PLCE1: variants seen among roughly 807,000 people sequenced by gnomAD.
PLCE1 encodes 1-phosphatidylinositol 4,5-bisphosphate phosphodiesterase epsilon-1.
Under a neutral mutation model 242.8 loss-of-function variants are expected in PLCE1, and 119 were observed. The observed-to-expected ratio is 0.49, with a 90% confidence interval of 0.42 to 0.57. The LOEUF (loss-of-function observed/expected upper bound fraction) is 0.57, where lower values mean the gene tolerates loss of function less well. PLCE1 is among the 20% of genes least tolerant of loss of function. PLCE1 has a pLI of 0.00. For missense variants in PLCE1, 2,441 were observed against 2,788.8 expected (o/e 0.88, Z 2.81); for synonymous variants, 945 against 1,017.4 (o/e 0.93, Z 1.35).
chr10:94,223,233 CAAAAA>C (rs60764243), intron 4 of PLCE1, among the ~76,000 whole-genome samples: 2 of 90,872 alleles, frequency 2.2e-5, no homozygotes, highest in South Asian at 4.3e-4. Flanking sequence ...TCCATCTCTA[CAAAAA>C]AAAAAAAAAA....
chr10:94,256,336 A>G (rs569550419), intron 11 of PLCE1, among the ~76,000 whole-genome samples: 2 of 134,698 alleles, frequency 1.5e-5, no homozygotes, highest in South Asian at 4.9e-4. Flanking sequence ...AAAAAAAAAA[A>G]AAAAAGAAAG....
chr10:94,010,342 T>C (rs2061145719), intron 1 of PLCE1, among the ~76,000 whole-genome samples: 1 of 152,190 alleles, frequency 6.6e-6, no homozygotes, highest in African/African-American at 2.4e-5. Flanking sequence ...CTCCTTAGCC[T>C]CTGAGCCTGC....
At position 94,135,740 on chromosome 10, in the gene PLCE1, T is replaced by C. The variant is rs143138600; in HGVS notation, c.1492+3281T>C. Among the ~76,000 whole-genome samples, 150 of 152,274 alleles carry C rather than the reference T, an allele frequency of 9.9e-4. No individual in the cohort carries two copies. In the East Asian group the frequency reaches 0.024, roughly 25 times the overall value. ...AGCATTAGCCTCAAAGAAAAAGCAATAGAAGTGAGTTAGAAGACATTTCTT... is the reference window on the plus strand; with the variant it reads ...AGCATTAGCCTCAAAGAAAAAGCAACAGAAGTGAGTTAGAAGACATTTCTT... On this transcript the variant is annotated intron_variant, in intron 3 of 32. Transcript: ENST00000371380.
chr10:94,141,696 G>A (rs1443640378), intron 3 of PLCE1, among the ~76,000 whole-genome samples: 3 of 126,352 alleles, frequency 2.4e-5, no homozygotes, highest in Admixed American at 8.7e-5. Flanking sequence ...AAGGGAGGGA[G>A]AGAAGGAAGG....
rs559549881 is a variant in PLCE1, at chr10:94,192,369, A to G, written c.1809+20873A>G. Among the ~76,000 whole-genome samples the G allele has an allele frequency of 2.0e-5, 3 of 152,138 alleles. No homozygotes were observed. In the South Asian group the frequency reaches 6.2e-4, roughly 32 times the overall value. On this transcript the variant is annotated intron_variant, in intron 4 of 32. Coordinates refer to ENST00000371380, the MANE Select transcript of PLCE1 (RefSeq NM_016341.4). ...TCTCTTCCCCCTCTAGTAGTTTCCAATGTCTACTGTTGCCATCTTTATGTC... is the reference window on the plus strand; with the variant it reads ...TCTCTTCCCCCTCTAGTAGTTTCCAGTGTCTACTGTTGCCATCTTTATGTC...
At chr10:94,072,324 C>T (rs914148729) in intron 2 of PLCE1, among the ~76,000 whole-genome samples, 6 of 151,804 alleles carry the variant, frequency 4.0e-5, no homozygotes, top group East Asian at 1.9e-4. Flanking sequence ...TCACCCAGGC[C>T]GGAGTGCAGT....
At chr10:94,258,578 A>G (rs1276493880) in intron 11 of PLCE1, among the ~76,000 whole-genome samples, 2 of 152,360 alleles carry the variant, frequency 1.3e-5, no homozygotes, top group Non-Finnish European at 2.9e-5. Flanking sequence ...CCCTTATTAA[A>G]TAGACTAGAA....
intron 4 of PLCE1, among the ~76,000 whole-genome samples, chr10:94,201,499 G>A (rs144058085): frequency 9.5e-4 from 144 of 152,180 alleles, no homozygotes; most frequent in African/African-American, 3.3e-3. Flanking sequence ...TTTTTTGAGC[G>A]GAGTCTTGCT....
intron 3 of PLCE1, among the ~76,000 whole-genome samples, chr10:94,150,492 A>T (rs1345106472): frequency 6.6e-6 from 1 of 152,150 alleles, no homozygotes; most frequent in Non-Finnish European, 1.5e-5. Flanking sequence ...ATCCACTTCC[A>T]CTCAGAGGCA....
chr10:94,119,511 C>G (rs574469374), intron 2 of PLCE1, among the ~76,000 whole-genome samples: 1 of 152,278 alleles, frequency 6.6e-6, no homozygotes, highest in East Asian at 1.9e-4. Flanking sequence ...TTAGCTTCAC[C>G]CATAGGAAAA....
In PLCE1 at chr10:94,258,828, C is replaced by A; in HGVS notation, c.3583C>A (p.Arg1195=). ...TTGGAGCAGTAGTAGCTGGCACGGG[C>A]GGATCAAAGGCGGCATGAAGGGATT... ...SAWSSSSWHG[R]IKGGMKGFQS... Residue 1195 remains arginine, a synonymous_variant, in exon 12 of 33, where the codon CGG becomes AGG. Coordinates refer to ENST00000371380, the MANE Select transcript of PLCE1 (RefSeq NM_016341.4). 4 of 1,613,974 alleles carry A rather than the reference C, an allele frequency of 2.5e-6. No homozygotes were observed. The highest frequency in any genetic ancestry group is 3.4e-6 in the Non-Finnish European group (4 of 1,179,948).
chr10:94,313,210 A>T (rs771410849), intron 27 of PLCE1, 44 bp from the exon 28 acceptor site: 1 of 1,611,012 alleles, frequency 6.2e-7, no homozygotes, highest in South Asian at 1.1e-5. Flanking sequence ...GCTTAGAAAT[A>T]TGTGATTACG....
intron 4 of PLCE1, among the ~76,000 whole-genome samples, chr10:94,214,010 G>T (rs1477168026): frequency 6.6e-6 from 1 of 152,102 alleles, no homozygotes; most frequent in East Asian, 1.9e-4. Flanking sequence ...AGAGTCTCAG[G>T]GTAGGTAGGA....
chr10:94,061,687 A>C (rs1272952731), intron 2 of PLCE1, among the ~76,000 whole-genome samples: 1 of 151,934 alleles, frequency 6.6e-6, no homozygotes, highest in Non-Finnish European at 1.5e-5. Flanking sequence ...TGTCTTTACT[A>C]AAAAAGGAAT....
At chr10:94,048,884 T>G (rs2043682335) in intron 2 of PLCE1, among the ~76,000 whole-genome samples, 1 of 151,442 alleles carries the variant, frequency 6.6e-6, no homozygotes, top group South Asian at 2.1e-4. Flanking sequence ...CCTCCCTACT[T>G]CAGCCTCCCG....
At chr10:94,103,386 G>C (rs2045611161) in intron 2 of PLCE1, among the ~76,000 whole-genome samples, 1 of 152,218 alleles carries the variant, frequency 6.6e-6, no homozygotes, top group African/African-American at 2.4e-5. Flanking sequence ...GGGAGTGGCA[G>C]CAGCCCTCTG....
chr10:94,228,731 C>A (rs568518715), intron 5 of PLCE1, among the ~76,000 whole-genome samples: 142 of 151,672 alleles, frequency 9.4e-4, no homozygotes, highest in Non-Finnish European at 1.4e-3. Flanking sequence ...TAGAATAAAC[C>A]CAAATGATCA....
At chr10:94,113,559 G>A (rs144062443) in intron 2 of PLCE1, among the ~76,000 whole-genome samples, 2 of 152,166 alleles carry the variant, frequency 1.3e-5, no homozygotes, top group Non-Finnish European at 2.9e-5. Context: ...TGTATGCCAG[G>A]CACTATGCTA....
chr10:94,274,557 A>G (rs1342989705), intron 19 of PLCE1, among the ~76,000 whole-genome samples: 1 of 139,428 alleles, frequency 7.2e-6, no homozygotes, highest in Non-Finnish European at 1.6e-5. Context: ...AAAATCAGCC[A>G]CTTTCAGGGG....
Sources: gnomAD v4.1 joint callset for allele counts (sites outside exome capture counted in the v4.1 genomes callset) on GRCh38, gnomAD v4.1.1 for gene constraint, MANE v1.5 for transcripts, NCBI Gene and HGNC (gene_info 2026-07-23, HGNC 2026-07-21) for gene names.